PTPRD: variants seen among roughly 807,000 people sequenced by gnomAD.
PTPRD encodes protein tyrosine phosphatase receptor type D.
PTPRD carries 34 observed loss-of-function variants against 214.5 expected under a neutral mutation model. The ratio of observed to expected loss-of-function variants is 0.16; its 90% CI spans 0.12 to 0.21. The LOEUF (loss-of-function observed/expected upper bound fraction) is 0.21. Ranked by LOEUF, PTPRD falls within the 10% of genes least tolerant of loss-of-function variation. The pLI is 1.00. For missense variants in PTPRD, 2,545 were observed against 2,398.7 expected (o/e 1.06, Z -1.27); for synonymous variants, 1,128 against 845.7 (o/e 1.33, Z -5.79).
At position 8,341,277 on chromosome 9, in the gene PTPRD, T is replaced by G; in HGVS notation, c.4948-9A>C. The stretch of plus-strand genomic sequence containing the variant: ...TTTGAGCTGGCTAGACGCTGTTGAA[T>G]AGGAAAAAAAAAAAAGGAAAAACCC... On this transcript the variant is annotated splice_polypyrimidine_tract_variant and intron_variant, in intron 40 of 45. Transcript: ENST00000381196. 6.5e-7 allele frequency: 1 copy of G among 1,543,840 alleles called. No homozygotes were observed.
At chr9:9,958,068 A>G (rs2094079330) in intron 4 of PTPRD, among the ~76,000 whole-genome samples, 1 of 152,200 alleles carries the variant, frequency 6.6e-6, no homozygotes, top group Admixed American at 6.5e-5. Flanking sequence ...CACCTTTCAT[A>G]AAGCATAACT....
intron 5 of PTPRD, among the ~76,000 whole-genome samples, chr9:9,810,062 C>T (rs2153538020): frequency 6.6e-6 from 1 of 150,510 alleles, no homozygotes; most frequent in East Asian, 2.0e-4. Flanking sequence ...CCCCTTCCTC[C>T]TGCACCTCCT....
At chr9:8,519,663 G>T (rs72694774) in intron 20 of PTPRD, among the ~76,000 whole-genome samples, 40 of 152,252 alleles carry the variant, frequency 2.6e-4, no homozygotes, top group African/African-American at 7.7e-4. Flanking sequence ...AATGAGAATC[G>T]TTAAACAGTT....
chr9:10,358,428 T>A (rs949435656), intron 2 of PTPRD, among the ~76,000 whole-genome samples: 5 of 151,980 alleles, frequency 3.3e-5, no homozygotes, highest in African/African-American at 9.7e-5. Flanking sequence ...CATTGATCAA[T>A]GAAGCAATCT....
chr9:10,106,611 G>T (rs978233651), intron 3 of PTPRD, among the ~76,000 whole-genome samples: 3 of 151,880 alleles, frequency 2.0e-5, no homozygotes, highest in African/African-American at 4.8e-5. Flanking sequence ...AAGGCATTGG[G>T]TTATGAGAGG....
At chr9:10,170,186 G>C (rs1349273750) in intron 3 of PTPRD, among the ~76,000 whole-genome samples, 2 of 152,164 alleles carry the variant, frequency 1.3e-5, no homozygotes, top group Non-Finnish European at 2.9e-5. Context: ...CAGTAGCTCA[G>C]AATCTGATCC....
At chr9:9,848,365 G>A (rs1293854726) in intron 5 of PTPRD, among the ~76,000 whole-genome samples, 1 of 152,116 alleles carries the variant, frequency 6.6e-6, no homozygotes, top group Non-Finnish European at 1.5e-5. Context: ...GGCCAGAAAT[G>A]CATTTCAAAA....
At chr9:10,489,467 A>T (rs1466409920) in intron 2 of PTPRD, among the ~76,000 whole-genome samples, 1 of 152,046 alleles carries the variant, frequency 6.6e-6, no homozygotes, top group East Asian at 1.9e-4. Flanking sequence ...TGACCTAACT[A>T]GTGTCTCAGT....
chr9:8,610,470 A>G (rs574151728), intron 14 of PTPRD, among the ~76,000 whole-genome samples: 1 of 152,252 alleles, frequency 6.6e-6, no homozygotes, highest in South Asian at 2.1e-4. Context: ...TGTCCCAGCC[A>G]CACCACATGG....
At chr9:9,863,456 C>G (rs546083145) in intron 5 of PTPRD, among the ~76,000 whole-genome samples, 15 of 152,282 alleles carry the variant, frequency 9.9e-5, no homozygotes, top group Non-Finnish European at 1.8e-4. Flanking sequence ...TGTGTCTGAT[C>G]AGTTTCCACC....
chr9:9,481,922 G>A (rs73641303), intron 8 of PTPRD, among the ~76,000 whole-genome samples: 1 of 152,160 alleles, frequency 6.6e-6, no homozygotes, highest in African/African-American at 2.4e-5. Flanking sequence ...AATCTTAATA[G>A]ATAAAAATTA....
chr9:9,358,219 T>C lies in PTPRD; in HGVS notation c.-203+39230A>G, dbSNP rs117293108. ...AAAAACATATTATATAGGCAATTTT[T>C]TCTTATTTAGGTTATATTGCCTGTT... On this transcript the variant is annotated intron_variant, in intron 9 of 45. Coordinates refer to ENST00000381196, the MANE Select transcript of PTPRD (RefSeq NM_002839.4). Among the ~76,000 whole-genome samples the C allele has an allele frequency of 9.8e-3, 1,489 of 151,448 alleles. 10 individuals carry two copies. Among genetic ancestry groups the C allele is most frequent in the South Asian group, 0.035 (167 of 4,822 alleles).
chr9:9,793,276 T>G (rs547620430), intron 5 of PTPRD, among the ~76,000 whole-genome samples: 19 of 152,258 alleles, frequency 1.2e-4, no homozygotes, highest in Admixed American at 1.2e-3. Context: ...AATGGATGTA[T>G]CTATAAAACG....
At chr9:9,099,650 T>C (rs1405963751) in intron 10 of PTPRD, among the ~76,000 whole-genome samples, 1 of 152,178 alleles carries the variant, frequency 6.6e-6, no homozygotes, top group Non-Finnish European at 1.5e-5. Context: ...GTAATTATGT[T>C]TTTAAGAATA....
chr9:8,760,843 G>C (rs1403988095), intron 11 of PTPRD, among the ~76,000 whole-genome samples: 4 of 152,178 alleles, frequency 2.6e-5, no homozygotes, highest in Non-Finnish European at 5.9e-5. Flanking sequence ...AAAGTAAATT[G>C]AGGTAGGAAA....
chr9:10,116,027 G>A (rs532421568), intron 3 of PTPRD, among the ~76,000 whole-genome samples: 1 of 152,082 alleles, frequency 6.6e-6, no homozygotes, highest in South Asian at 2.1e-4. Flanking sequence ...TTCATGTTAT[G>A]GTTTATTAGG....
intron 3 of PTPRD, among the ~76,000 whole-genome samples, chr9:10,203,155 T>G (rs2154335472): frequency 6.6e-6 from 1 of 151,402 alleles, no homozygotes; most frequent in South Asian, 2.1e-4. Context: ...GTTTACTGTC[T>G]TCTCCCTCTC....
chr9:9,302,371 T>A (rs965174583), intron 9 of PTPRD, among the ~76,000 whole-genome samples: 1 of 151,896 alleles, frequency 6.6e-6, no homozygotes, highest in African/African-American at 2.4e-5. Context: ...GATAGGCAGC[T>A]CTCTTTGATA....
intron 8 of PTPRD, among the ~76,000 whole-genome samples, chr9:9,560,137 G>A (rs1439245583): frequency 6.6e-6 from 1 of 152,178 alleles, no homozygotes; most frequent in Non-Finnish European, 1.5e-5. Context: ...GCACAGCAAT[G>A]TTCTTCTCTC....
Sources: gnomAD v4.1 joint callset for allele counts (sites outside exome capture counted in the v4.1 genomes callset) on GRCh38, gnomAD v4.1.1 for gene constraint, MANE v1.5 for transcripts, NCBI Gene and HGNC (gene_info 2026-07-23, HGNC 2026-07-21) for gene names.